DMRT2: variants seen among roughly 807,000 people sequenced by gnomAD.
DMRT2 encodes the protein doublesex and mab-3 related transcription factor 2.
A neutral mutation model predicts 43.5 loss-of-function variants in DMRT2; 33 were observed. The observed-to-expected ratio is 0.76, with a 90% CI of 0.58 to 1.01. DMRT2 has a LOEUF of 1.01. Among genes scored for constraint, DMRT2 ranks in the 50% least tolerant of loss-of-function variants. The probability of loss-of-function intolerance (pLI) is 0.00; values close to 1 mark genes in which losing one functional copy is unlikely to be tolerated. For synonymous variants in DMRT2, 395 were observed against 309.2 expected, an observed-to-expected ratio of 1.28 and a Z score of -2.91; for missense variants, 1,064 against 748.0, an observed-to-expected ratio of 1.42 and a Z score of -4.93.
chr9:1,054,416 T>A (rs1369782565), intron 3 of DMRT2, among the ~76,000 whole-genome samples: 3 of 151,520 alleles, frequency 2.0e-5, no homozygotes, highest in East Asian at 3.9e-4. Context: ...TACTTTTTTT[T>A]TTTTTTTTGG....
intron 1 of DMRT2, 26 bp downstream of exon 1, chr9:1,050,801 T>C (rs1821513848): frequency 6.6e-6 from 1 of 152,206 alleles, no homozygotes; most frequent in Admixed American, 6.5e-5. Context: ...CCGCTCGGGG[T>C]GTCAGGGAGG....
chr9:1,050,966 T>G (rs1821527539), intron 1 of DMRT2, among the ~76,000 whole-genome samples, 191 bp downstream of exon 1: 1 of 152,216 alleles, frequency 6.6e-6, no homozygotes, highest in Admixed American at 6.5e-5. Flanking sequence ...ATTGTGCTCT[T>G]TGCCCTTATG....
Position 1,050,483 on chromosome 9 carries a change from G to C in DMRT2, c.-337G>C, listed in dbSNP as rs529343091. Reference sequence around the variant, plus strand: ...GGAAGCCGAAAGCGGCCTCAGCAAGGTGAGGCGCCCGAGGCTGCAGAAGAC... The same window carrying C: ...GGAAGCCGAAAGCGGCCTCAGCAAGCTGAGGCGCCCGAGGCTGCAGAAGAC... On this transcript the variant is annotated 5_prime_UTR_variant, in exon 1 of 4. Coordinates refer to ENST00000358146, the MANE Select transcript of DMRT2 (RefSeq NM_181872.6). 1.3e-5 allele frequency: 2 copies of C among 152,400 alleles called. No individual in the cohort carries two copies. Among genetic ancestry groups the C allele is most frequent in the South Asian group, 4.1e-4 (2 of 4,822 alleles). 9.4% of individuals were successfully genotyped at this position (152,400 alleles called of 1,614,324 possible).
Position 1,057,532 on chromosome 9 carries a change from ACT to A in DMRT2, c.*260_*261del. The A allele has an allele frequency of 2.5e-6, 1 of 396,124 alleles. No homozygotes were observed. Among genetic ancestry groups the A allele is most frequent in the East Asian group, 4.2e-5 (1 of 23,792 alleles). 24.5% of individuals were successfully genotyped at this position (396,124 alleles called of 1,614,324 possible). On this transcript the variant is annotated 3_prime_UTR_variant, in exon 4 of 4. Transcript: ENST00000358146. ...CATTTCAAAAAGCAATAAAATTGAC[ACT>A]GTCTTCTCAAAGACCCAATATTTGC...
chr9:1,055,847 T>C, intron 3 of DMRT2: 1 of 1,519,450 alleles, frequency 6.6e-7, no homozygotes, highest in Non-Finnish European at 8.7e-7. Flanking sequence ...TGGATAATAA[T>C]AAAACATTGA....
chr9:1,051,029 G>T lies in DMRT2; in HGVS notation c.-45+254G>T, dbSNP rs1821532754. Among the ~76,000 whole-genome samples, 1 of 152,162 alleles carries T rather than the reference G, an allele frequency of 6.6e-6. No individual in the cohort carries two copies. The highest frequency in any genetic ancestry group is 2.1e-4 in the South Asian group (1 of 4,830). ...TTTCAGTTGAGTATTTTGGGGAGGG[G>T]GGTGAGAGGACCTCTTCAAGCCCAA... On this transcript the variant is annotated intron_variant, in intron 1 of 3. Transcript: ENST00000358146. This position sits in a 1 kb window ranked among gnomAD's most constrained non-coding sequence, Gnocchi z 5.9.
Position 1,051,689 on chromosome 9 carries a change from G to A in DMRT2, c.76G>A (p.Val26Ile), listed in dbSNP as rs746035775. Residue 26 changes from valine to isoleucine, a missense_variant, in exon 2 of 4, where the codon GTC (valine) becomes ATC (isoleucine). Transcript: ENST00000358146. This position sits in a 1 kb window ranked among gnomAD's most constrained non-coding sequence, Gnocchi z 5.9. ...DVESLELEED[V>I]CGAPRSTPPG... ...CGAGAGCCTGGAGCTGGAAGAGGAC[G>A]TCTGCGGGGCGCCGCGGTCCACGCC... 6.4e-7 allele frequency: 1 copy of A among 1,562,366 alleles called. No homozygotes were observed. Among genetic ancestry groups the A allele is most frequent in the Non-Finnish European group, 8.6e-7 (1 of 1,161,550 alleles).
intron 2 of DMRT2, chr9:1,053,180 G>T (rs1821729022): frequency 6.6e-6 from 1 of 152,586 alleles, no homozygotes; most frequent in African/African-American, 2.4e-5. Flanking sequence ...GGCGAGGGTG[G>T]GTGTCCGCAA....
rs775881772 is a variant in DMRT2, at chr9:1,056,874, C to T, written c.1287C>T (p.Phe429=). ...AGGCTGTCCCAGAGAGGTCCGCGTT[C>T]TCCCCACCCCGACGGAATTTCTCTC... ...GHQAVPERSA[F]SPPRRNFSPI... is the part of the protein sequence containing the mutation. The change falls in exon 4 of 4, where the codon TTC becomes TTT. Residue 429 remains phenylalanine, a synonymous_variant. Transcript: ENST00000358146. The T allele has an allele frequency of 1.2e-6, 2 of 1,614,174 alleles. No individual in the cohort carries two copies. The highest frequency in any genetic ancestry group is 1.7e-6 in the Non-Finnish European group (2 of 1,180,044).
At chr9:1,053,941 A>C (rs182144549) in intron 3 of DMRT2, 117 bp downstream of exon 3, 1 of 835,740 alleles carries the variant, frequency 1.2e-6, no homozygotes, top group African/African-American at 1.7e-5. Context: ...AGTACTTTTT[A>C]TTAGAAAGGT....
chr9:1,056,447 A>G lies in DMRT2; in HGVS notation c.860A>G (p.Tyr287Cys). The stretch of plus-strand genomic sequence containing the variant: ...GACTACAATTCCTACAAAAGTGCCT[A>G]CAGCCCCAGCCCAGTGGAACCACCA... ...GPDYNSYKSAYSPSPVEPPSK... is the reference protein window; with the variant it reads ...GPDYNSYKSACSPSPVEPPSK... The change falls in exon 4 of 4, where the codon TAC becomes TGC. Residue 287 changes from tyrosine to cysteine, a missense_variant. Transcript: ENST00000358146. 1 of 1,614,196 alleles carries G rather than the reference A, an allele frequency of 6.2e-7. No homozygotes were observed. Among genetic ancestry groups the G allele is most frequent in the South Asian group, 1.1e-5 (1 of 91,084 alleles).
chr9:1,054,243 T>C (rs1361065425), intron 3 of DMRT2, among the ~76,000 whole-genome samples: 4 of 152,130 alleles, frequency 2.6e-5, no homozygotes, highest in African/African-American at 4.8e-5. Flanking sequence ...TGGAAGGAAA[T>C]AAATAACTTA....
rs1814490129 is a variant in DMRT2 at position 1,054,188 on chromosome 9, G to A, written c.628+364G>A. Among the ~76,000 whole-genome samples the A allele has an allele frequency of 3.3e-5, 5 of 152,274 alleles. No homozygotes were observed. In the South Asian group the frequency reaches 1.0e-3, roughly 32 times the overall value. ...GCATGTGAAATTTACCCCGTATGAGGGATGTACAAAGATATACTGCCAAGT... is the reference window on the plus strand; with the variant it reads ...GCATGTGAAATTTACCCCGTATGAGAGATGTACAAAGATATACTGCCAAGT... On this transcript the variant is annotated intron_variant, in intron 3 of 3. Coordinates refer to ENST00000358146, the MANE Select transcript of DMRT2 (RefSeq NM_181872.6).
rs987790307 is a variant in DMRT2 at position 1,051,517 on chromosome 9, G to A, written c.-44-53G>A. Reference sequence around the variant, plus strand: ...AGGAGCTTTGGGCCGGAGGCTCAGGGATGGTCCCTGACGGCGGCCGGTGGG... The same window carrying A: ...AGGAGCTTTGGGCCGGAGGCTCAGGAATGGTCCCTGACGGCGGCCGGTGGG... On this transcript the variant is annotated intron_variant, in intron 1 of 3. Transcript: ENST00000358146. The surrounding 1 kb of genome is among the most constrained non-coding windows in gnomAD (Gnocchi z 5.9). 12 of 1,417,862 alleles carry A rather than the reference G, an allele frequency of 8.5e-6. No homozygotes were observed. The highest frequency in any genetic ancestry group is 1.0e-5 in the Non-Finnish European group (11 of 1,095,792). The allele number at this position is 1,417,862 out of a possible 1,614,324, so 87.8% of individuals were successfully genotyped here.
Position 1,056,909 on chromosome 9 carries a change from A to G in DMRT2, c.1322A>G (p.Asp441Gly). Residue 441 changes from aspartate (D) to glycine (G), a missense_variant, in exon 4 of 4, where the codon GAC becomes GGC. By Grantham distance (94) the Asp-to-Gly change is moderately conservative. Coordinates refer to ENST00000358146, the MANE Select transcript of DMRT2 (RefSeq NM_181872.6). The part of the protein sequence containing the change: ...PPRRNFSPIV[D>G]TDSLAAQGHV... ...CGACGGAATTTCTCTCCCATTGTTG[A>G]CACGGACTCCCTGGCAGCTCAAGGG... is the stretch of plus-strand genomic sequence containing the variant. 6.2e-7 allele frequency: 1 copy of G among 1,614,166 alleles called. No homozygotes were observed. The highest frequency in any genetic ancestry group is 1.3e-5 in the African/African-American group (1 of 75,048).
chr9:1,055,253 A>G (rs1346154097), intron 3 of DMRT2, among the ~76,000 whole-genome samples: 2 of 152,192 alleles, frequency 1.3e-5, no homozygotes, highest in African/African-American at 2.4e-5. Flanking sequence ...TGTAAACACA[A>G]ATATAACAAT....
At chr9:1,053,602 A>C (rs764709154) in intron 2 of DMRT2, 120 bp from the exon 3 acceptor site, 11 of 886,556 alleles carry the variant, frequency 1.2e-5, no homozygotes, top group Non-Finnish European at 1.7e-5. Flanking sequence ...ACGGAATGGG[A>C]AAATTCAATA....
chr9:1,053,834 C>G lies in DMRT2; in HGVS notation c.628+10C>G, dbSNP rs561965987. The G allele has an allele frequency of 1.2e-5, 20 of 1,608,614 alleles. No homozygotes were observed. The African/African-American group carries it at 1.9e-4, about 15-fold the overall frequency. ...AAAAGCATTTTAGAAGGTAAAGCAACAAAATTATCCTTCAGCCTTTTAAAC... is the reference window on the plus strand; with the variant it reads ...AAAAGCATTTTAGAAGGTAAAGCAAGAAAATTATCCTTCAGCCTTTTAAAC... On this transcript the variant is annotated intron_variant, in intron 3 of 3. Transcript: ENST00000358146.
rs1821558020 is a variant in DMRT2, at chr9:1,051,339, T to C, written c.-44-231T>C. ...GAGAGGGCCACGGTTAAAGGTCAGG[T>C]ACTCACAGAGCACTTAGAATTAATA... On this transcript the variant is annotated intron_variant, in intron 1 of 3. Transcript: ENST00000358146. The surrounding 1 kb of genome is among the most constrained non-coding windows in gnomAD (Gnocchi z 5.9). Among the ~76,000 whole-genome samples, 1 of 152,136 alleles carries C rather than the reference T, an allele frequency of 6.6e-6. No homozygotes were observed.
Sources: allele counts gnomAD v4.1 joint callset (sites outside exome capture counted in the v4.1 genomes callset), GRCh38; gene constraint gnomAD v4.1.1; non-coding constraint Gnocchi (gnomAD v3.1); transcripts MANE v1.5; gene names NCBI Gene and HGNC (gene_info 2026-07-23, HGNC 2026-07-21).